The following ARAP3 variants were observed in gnomAD, a reference collection of about 807,000 sequenced individuals.
ARAP3 encodes the protein arf-GAP with Rho-GAP domain, ANK repeat and PH domain-containing protein 3.
Under a neutral mutation model 169.2 loss-of-function variants are expected in ARAP3, and 82 were observed. That is an observed-to-expected ratio of 0.48 (90% CI 0.41 to 0.58). ARAP3 has a LOEUF of 0.58. Among genes scored for constraint, ARAP3 ranks in the 20% least tolerant of loss-of-function variants. The pLI is 0.00. For synonymous variants in ARAP3, 791 were observed against 800.3 expected, an observed-to-expected ratio of 0.99 and a Z score of 0.20; for missense variants, 1,764 against 2,018.0, an observed-to-expected ratio of 0.87 and a Z score of 2.41.
intron 19 of ARAP3, among the ~76,000 whole-genome samples, chr5:141,663,774 G>A (rs1039066967): frequency 3.9e-5 from 6 of 152,158 alleles, no homozygotes; most frequent in Non-Finnish European, 8.8e-5. Flanking sequence ...TAACAATTAT[G>A]TGTATGTTTG....
Position 141,671,264 on chromosome 5 carries a change from C to T in ARAP3, c.1990+1G>A, listed in dbSNP as rs1338475172. On this transcript the variant is annotated splice_donor_variant, in intron 13 of 32. Transcript: ENST00000239440. LOFTEE classifies it high-confidence loss of function. The surrounding 1 kb of genome is among the most constrained non-coding windows in gnomAD (Gnocchi z 4.9). ...AGAGAGGAGGCACTTGGGGGAATGA[C>T]CTGAGGGCAAGAGGCCAGGGCAGCT... 2 of 1,600,458 alleles carry T rather than the reference C, an allele frequency of 1.2e-6. No homozygotes were observed. The highest frequency in any genetic ancestry group is 2.2e-5 in the South Asian group (2 of 89,148).
At chr5:141,668,993 A>G (rs1008040262) in intron 16 of ARAP3, among the ~76,000 whole-genome samples, 12 of 152,230 alleles carry the variant, frequency 7.9e-5, no homozygotes, top group Non-Finnish European at 1.8e-4. Context: ...AAGCTGTCTT[A>G]GGATGGGAGA....
intron 32 of ARAP3, 87 bp downstream of exon 32, chr5:141,655,275 A>G: frequency 1.4e-6 from 2 of 1,430,588 alleles, no homozygotes. Context: ...GATGGCCTAC[A>G]TGAGGAAAAC....
In ARAP3 at chr5:141,653,981, G is replaced by A; in HGVS notation, c.4604C>T (p.Ser1535Phe). 1.3e-6 allele frequency: 2 copies of A among 1,539,386 alleles called. No individual in the cohort carries two copies. Among genetic ancestry groups the A allele is most frequent in the Admixed American group, 2.0e-5 (1 of 49,244 alleles). ...GAGGGGCTGGCTGGAGGGTGGACTG[G>A]AAGTGCATGGGGGTTGGGTGGGGAA... ...PGFPTQPPCT[S>F]SPPSSQPLT is the part of the protein sequence containing the mutation. Residue 1535 changes from serine (S) to phenylalanine (F), a missense_variant, in exon 33 of 33, where the codon TCC (serine) becomes TTC (phenylalanine). Around this residue, in one of 3 missense-constraint regions of ARAP3, gnomAD observed 1,112 missense variants for 1,285.7 expected, o/e 0.86. Transcript: ENST00000239440.
intron 17 of ARAP3, among the ~76,000 whole-genome samples, 193 bp from the exon 18 acceptor site, chr5:141,665,567 G>T (rs2099910516): frequency 6.6e-6 from 1 of 152,046 alleles, no homozygotes; most frequent in Non-Finnish European, 1.5e-5. Context: ...TAAGTAACTT[G>T]CCCCAGATTA....
Position 141,656,494 on chromosome 5 carries a change from A to C in ARAP3, c.3789+10T>G. 1 of 1,609,742 alleles carries C rather than the reference A, an allele frequency of 6.2e-7. No homozygotes were observed. The highest frequency in any genetic ancestry group is 8.5e-7 in the Non-Finnish European group (1 of 1,178,000). On this transcript the variant is annotated intron_variant, in intron 27 of 32. Transcript: ENST00000239440. ...CCCAGCATCCCACACCTCTGGCCCC[A>C]GGGCCTCACTTTCTTCTCCTTGAGC...
In ARAP3 at chr5:141,655,731, G is replaced by GT; in HGVS notation, c.3999dup (p.Arg1334ThrfsTer7). On this transcript the variant is annotated frameshift_variant, in exon 31 of 33. Transcript: ENST00000239440. LOFTEE classifies it high-confidence loss of function. ...GCAAGGTCAGAGGAGGAATGGCGTC[G>GT]TAAGACCACTGGCTGCTGGTCATCG... is the stretch of plus-strand genomic sequence containing the variant. 6.2e-7 allele frequency: 1 copy of GT among 1,614,178 alleles called. No individual in the cohort carries two copies. Among genetic ancestry groups the GT allele is most frequent in the Non-Finnish European group, 8.5e-7 (1 of 1,180,030 alleles).
chr5:141,661,909 T>TC, intron 20 of ARAP3, 120 bp from the exon 21 acceptor site: 1 of 1,478,268 alleles, frequency 6.8e-7, no homozygotes. Context: ...CCTTCCCACC[T>TC]CCCCCTGAGC....
Position 141,656,827 on chromosome 5 carries a change from C to A in ARAP3, c.3546G>T (p.Lys1182Asn), listed in dbSNP as rs759331957. The A allele has an allele frequency of 6.2e-7, 1 of 1,613,174 alleles. No homozygotes were observed. Among genetic ancestry groups the A allele is most frequent in the Non-Finnish European group, 8.5e-7 (1 of 1,179,670 alleles). Residue 1182 changes from lysine to asparagine, a missense_variant, in exon 26 of 33, where the codon AAG becomes AAT. Transcript: ENST00000239440. ...HGELERPLHPKEKVLEQALQW... is the reference protein window; with the variant it reads ...HGELERPLHPNEKVLEQALQW... ...GTAAAGCCTGCTCTAAGACCTTTTC[C>A]TTGGGATGCAGTGGCCGCTCTTAAG...
chr5:141,672,225 C>T lies in ARAP3; in HGVS notation c.1462G>A (p.Asp488Asn), dbSNP rs763166725. 17 of 1,614,124 alleles carry T rather than the reference C, an allele frequency of 1.1e-5. No individual in the cohort carries two copies. In the South Asian group the frequency reaches 1.9e-4, roughly 18 times the overall value. ...LQEAVTETLS[D>N]YEVAEKIWSN... The stretch of plus-strand genomic sequence containing the variant: ...CAGATCTTCTCAGCCACCTCGTAGT[C>T]AGACAGGGTCTCGGTTACTGCTTCC... The change falls in exon 10 of 33, where the codon GAC becomes AAC. Residue 488 changes from aspartate (D) to asparagine (N), a missense_variant. Coordinates refer to ENST00000239440, the MANE Select transcript of ARAP3 (RefSeq NM_022481.6). This position sits in a 1 kb window ranked among gnomAD's most constrained non-coding sequence, Gnocchi z 4.9.
Position 141,665,875 on chromosome 5 carries a change from A to C in ARAP3, c.2573-501T>G, listed in dbSNP as rs548769410. ...GTGAAACCCCTTCTCTACTAAAAAT[A>C]CAAAAATTAGCTGGGCGTGGTGGCG... On this transcript the variant is annotated intron_variant, in intron 17 of 32. Coordinates refer to ENST00000239440, the MANE Select transcript of ARAP3 (RefSeq NM_022481.6). 1.8e-4 allele frequency among the ~76,000 whole-genome samples: 27 copies of C among 151,784 alleles called. No individual in the cohort carries two copies. In the South Asian group the frequency reaches 5.4e-3, roughly 30 times the overall value.
rs1562402860 is a variant in ARAP3, at chr5:141,656,496, G to A, written c.3789+8C>T. 1.2e-6 allele frequency: 2 copies of A among 1,610,050 alleles called. No individual in the cohort carries two copies. The highest frequency in any genetic ancestry group is 1.7e-6 in the Non-Finnish European group (2 of 1,178,168). On this transcript the variant is annotated splice_region_variant and intron_variant, in intron 27 of 32. Coordinates refer to ENST00000239440, the MANE Select transcript of ARAP3 (RefSeq NM_022481.6). ...CAGCATCCCACACCTCTGGCCCCAG[G>A]GCCTCACTTTCTTCTCCTTGAGCAG...
chr5:141,659,940 C>A lies in ARAP3; in HGVS notation c.3120-14G>T. On this transcript the variant is annotated splice_polypyrimidine_tract_variant and intron_variant, in intron 21 of 32. Coordinates refer to ENST00000239440, the MANE Select transcript of ARAP3 (RefSeq NM_022481.6). ...CATTTCTGCACCCTGCAGAGGGGTGCCACGGTCTTCATCAGTGTAGCCACT... is the reference window on the plus strand; with the variant it reads ...CATTTCTGCACCCTGCAGAGGGGTGACACGGTCTTCATCAGTGTAGCCACT... 2 of 1,544,964 alleles carry A rather than the reference C, an allele frequency of 1.3e-6. No individual in the cohort carries two copies. Among genetic ancestry groups the A allele is most frequent in the Non-Finnish European group, 1.8e-6 (2 of 1,140,054 alleles).
chr5:141,656,087 T>C lies in ARAP3; in HGVS notation c.3885A>G (p.Thr1295=), dbSNP rs201679785. 3 of 1,614,032 alleles carry C rather than the reference T, an allele frequency of 1.9e-6. No individual in the cohort carries two copies. The highest frequency in any genetic ancestry group is 2.2e-5 in the East Asian group (1 of 44,866). Residue 1295 remains threonine, a synonymous_variant, in exon 29 of 33, where the codon ACA becomes ACG. Coordinates refer to ENST00000239440, the MANE Select transcript of ARAP3 (RefSeq NM_022481.6). Reference sequence around the variant, plus strand: ...ACAGGTGCATCTTCTCTAGTATCAATGTGAAGCCCCACCTGGGAGACAAAG... The same window carrying C: ...ACAGGTGCATCTTCTCTAGTATCAACGTGAAGCCCCACCTGGGAGACAAAG... ...KLKPPTPWGF[T]LILEKMHLYL...
At position 141,673,428 on chromosome 5, in the gene ARAP3, C is replaced by T; in HGVS notation, c.945G>A (p.Arg315=). 6.2e-7 allele frequency: 1 copy of T among 1,614,142 alleles called. No homozygotes were observed. Among genetic ancestry groups the T allele is most frequent in the Non-Finnish European group, 8.5e-7 (1 of 1,180,040 alleles). Residue 315 remains arginine, a synonymous_variant, in exon 6 of 33, where the codon AGG becomes AGA. Transcript: ENST00000239440. ...FQRRFVQFNG[R]SLMYFGSDKD... ...TGTCACTGCCAAAGTACATCAGACT[C>T]CTCCCATTGAACTGCACAAAGCGTC...
Position 141,666,551 on chromosome 5 carries a change from C to T in ARAP3, c.2445G>A (p.Pro815=), listed in dbSNP as rs1244969974. The change falls in exon 17 of 33, where the codon CCG becomes CCA. Residue 815 remains proline (P), a synonymous_variant. Coordinates refer to ENST00000239440, the MANE Select transcript of ARAP3 (RefSeq NM_022481.6). ...ACCCTGACAGCCAGAGACCAGGGGCCGGGGCTGTATGGGAGGGGGACCGCA... is the reference window on the plus strand; with the variant it reads ...ACCCTGACAGCCAGAGACCAGGGGCTGGGGCTGTATGGGAGGGGGACCGCA... ...LWLRSPSHTA[P]APGLWLSGFG... 10 of 1,585,772 alleles carry T rather than the reference C, an allele frequency of 6.3e-6. No homozygotes were observed. The highest frequency in any genetic ancestry group is 1.3e-5 in the African/African-American group (1 of 74,150).
At chr5:141,665,126 G>A in intron 18 of ARAP3, 41 bp from the exon 19 acceptor site, 1 of 1,586,394 alleles carries the variant, frequency 6.3e-7, no homozygotes, top group South Asian at 1.1e-5. Flanking sequence ...GCTCCGACAG[G>A]CCCAGATGCA....
chr5:141,677,574 T>C (rs2099912343), intron 4 of ARAP3, among the ~76,000 whole-genome samples: 1 of 152,144 alleles, frequency 6.6e-6, no homozygotes, highest in Non-Finnish European at 1.5e-5. Context: ...GTCTCTCACC[T>C]ACATTACTAC....
intron 23 of ARAP3, 120 bp downstream of exon 23, chr5:141,659,288 A>T: frequency 1.1e-6 from 1 of 906,270 alleles, no homozygotes; most frequent in East Asian, 2.4e-5. Context: ...TCTCCCAAAG[A>T]GCTGAGTGCT....
Sources: gnomAD v4.1 joint callset for allele counts (sites outside exome capture counted in the v4.1 genomes callset) on GRCh38, gnomAD v4.1.1 for gene constraint, gnomAD v4.1.1 regional missense constraint, Gnocchi (gnomAD v3.1) non-coding constraint, MANE v1.5 for transcripts, NCBI Gene and HGNC (gene_info 2026-07-23, HGNC 2026-07-21) for gene names.